SLC25A21: variants seen among roughly 807,000 people sequenced by gnomAD.
The protein encoded by SLC25A21 is mitochondrial 2-oxodicarboxylate carrier.
Under a neutral mutation model 43.8 loss-of-function variants are expected in SLC25A21, and 47 were observed. The ratio of observed to expected loss-of-function variants is 1.07; its 90% CI spans 0.85 to 1.37. The LOEUF (loss-of-function observed/expected upper bound fraction) is 1.37, where lower values mean the gene tolerates loss of function less well. SLC25A21 is among the 40% of genes most tolerant of loss of function. The probability of loss-of-function intolerance (pLI) is 0.00; values close to 1 mark genes in which losing one functional copy is unlikely to be tolerated. For synonymous variants in SLC25A21, 131 were observed against 121.3 expected (o/e 1.08, Z -0.52); for missense variants, 352 against 350.2 (o/e 1.00, Z -0.04).
chr14:36,684,770 T>A lies in SLC25A21; in HGVS notation c.759A>T (p.Thr253=). 1 of 1,607,940 alleles carries A rather than the reference T, an allele frequency of 6.2e-7. No individual in the cohort carries two copies. The highest frequency in any genetic ancestry group is 8.5e-7 in the Non-Finnish European group (1 of 1,177,924). The change falls in exon 8 of 10, where the codon ACA becomes ACT. Residue 253 remains threonine (T), a synonymous_variant. Coordinates refer to ENST00000331299, the MANE Select transcript of SLC25A21 (RefSeq NM_030631.4). ...CTTCTTCCTGATAGACTGTTGCCAT[T>A]GTTTTAAAACAGGTTCTGTACTTGA... ...GEIKYRTCFK[T]MATVYQEEGI...
At chr14:36,904,272 A>G (rs1456914405) in intron 1 of SLC25A21, among the ~76,000 whole-genome samples, 1 of 152,234 alleles carries the variant, frequency 6.6e-6, no homozygotes, top group Non-Finnish European at 1.5e-5. Context: ...CATTCGGGAG[A>G]ATCTGAAATA....
intron 2 of SLC25A21, among the ~76,000 whole-genome samples, chr14:36,837,773 T>G (rs1889258908): frequency 6.6e-6 from 1 of 152,176 alleles, no homozygotes; most frequent in Non-Finnish European, 1.5e-5. Flanking sequence ...ACGCTCAAAC[T>G]CCTCACACTG....
chr14:36,859,375 A>T (rs761969091), intron 2 of SLC25A21, among the ~76,000 whole-genome samples: 5 of 152,220 alleles, frequency 3.3e-5, no homozygotes, highest in Admixed American at 1.3e-4. Context: ...AAAATAAGAT[A>T]TTGTGTGCAC....
At chr14:36,895,012 G>C (rs1291351463) in intron 1 of SLC25A21, among the ~76,000 whole-genome samples, 1 of 151,022 alleles carries the variant, frequency 6.6e-6, no homozygotes, top group Non-Finnish European at 1.5e-5. Flanking sequence ...TTTTTTGGTT[G>C]TGTCTCTGCC....
rs915261815 is a variant in SLC25A21, at chr14:36,724,862, G to GT, written c.438+707dup. ...GGTCATTTTTTAAAAAAATGACTCA[G>GT]TTTTTTTTTTAAAGCAAAATAATGT... On this transcript the variant is annotated intron_variant, in intron 6 of 9. Transcript: ENST00000331299. Among the ~76,000 whole-genome samples the GT allele has an allele frequency of 8.5e-4, 127 of 150,280 alleles. 1 individual carries two copies. The highest frequency in any genetic ancestry group is 5.6e-4 in the African/African-American group (23 of 41,064).
chr14:36,727,055 G>C (rs1480514971), intron 5 of SLC25A21, among the ~76,000 whole-genome samples: 1 of 152,194 alleles, frequency 6.6e-6, no homozygotes, highest in Non-Finnish European at 1.5e-5. Context: ...GACTAGAACT[G>C]TAACACACAG....
chr14:36,861,958 C>A (rs1890076886), intron 2 of SLC25A21, among the ~76,000 whole-genome samples: 1 of 152,088 alleles, frequency 6.6e-6, no homozygotes, highest in African/African-American at 2.4e-5. Context: ...AGGACATGAA[C>A]AGACAGTTCT....
chr14:36,808,967 C>T (rs1888138213), intron 3 of SLC25A21: 6 of 152,074 alleles, frequency 3.9e-5, no homozygotes, highest in Admixed American at 3.3e-4. Flanking sequence ...TCCCCTCACC[C>T]ACCTGTGAAC....
At chr14:36,952,890 A>C (rs969441304) in intron 1 of SLC25A21, among the ~76,000 whole-genome samples, 2 of 152,108 alleles carry the variant, frequency 1.3e-5, no homozygotes, top group African/African-American at 2.4e-5. Context: ...ATTCAAGAAG[A>C]CTTCTCTCAA....
chr14:36,902,004 C>T (rs1434877553), intron 1 of SLC25A21, among the ~76,000 whole-genome samples: 1 of 152,116 alleles, frequency 6.6e-6, no homozygotes, highest in African/African-American at 2.4e-5. Flanking sequence ...AAAAGTTATG[C>T]ATTCTTTTAA....
chr14:36,755,951 A>C (rs1391433014), intron 3 of SLC25A21, among the ~76,000 whole-genome samples: 1 of 152,134 alleles, frequency 6.6e-6, no homozygotes, highest in African/African-American at 2.4e-5. Flanking sequence ...AGTGCTTCCA[A>C]CCATCCAGCC....
At chr14:36,710,377 GA>G (rs911522290) in intron 7 of SLC25A21, among the ~76,000 whole-genome samples, 1 of 100,026 alleles carries the variant, frequency 1.0e-5, no homozygotes, top group African/African-American at 3.8e-5. Context: ...CTGTCTCCAA[GA>G]AAAAAAAAGA....
chr14:37,028,199 C>A (rs1022326210), intron 1 of SLC25A21, among the ~76,000 whole-genome samples: 9 of 151,976 alleles, frequency 5.9e-5, no homozygotes, highest in Admixed American at 4.6e-4. Flanking sequence ...CCTATACTTA[C>A]AGTGTAAATC....
intron 2 of SLC25A21, among the ~76,000 whole-genome samples, chr14:36,861,090 T>A (rs1206415197): frequency 1.3e-5 from 2 of 152,162 alleles, no homozygotes; most frequent in Non-Finnish European, 2.9e-5. Context: ...CAAAACTAAA[T>A]CTCAGCTGTG....
At chr14:36,825,260 G>C (rs533686404) in intron 2 of SLC25A21, among the ~76,000 whole-genome samples, 2 of 146,036 alleles carry the variant, frequency 1.4e-5, no homozygotes, top group African/African-American at 5.5e-5. Context: ...TCTCTTTCAT[G>C]ATCTCTTCCT....
At chr14:37,006,946 C>T (rs1960617637) in intron 1 of SLC25A21, among the ~76,000 whole-genome samples, 1 of 152,166 alleles carries the variant, frequency 6.6e-6, no homozygotes, top group South Asian at 2.1e-4. Context: ...CTAAAACAAA[C>T]AAACAAACAA....
In SLC25A21 at chr14:37,138,366, C is replaced by T. The variant is rs1963518467; in HGVS notation, c.70+33915G>A. On this transcript the variant is annotated intron_variant, in intron 1 of 9. Coordinates refer to ENST00000331299, the MANE Select transcript of SLC25A21 (RefSeq NM_030631.4). Reference sequence around the variant, plus strand: ...AAATTTATAAGATATGGCCTTTATGCCATTTATTTTTATTTAAACTAAGTT... The same window carrying T: ...AAATTTATAAGATATGGCCTTTATGTCATTTATTTTTATTTAAACTAAGTT... 2.0e-5 allele frequency among the ~76,000 whole-genome samples: 3 copies of T among 152,002 alleles called. No homozygotes were observed. In the South Asian group the frequency reaches 6.2e-4, roughly 32 times the overall value.
intron 1 of SLC25A21, among the ~76,000 whole-genome samples, chr14:37,165,806 G>C (rs932437712): frequency 6.6e-6 from 1 of 152,130 alleles, no homozygotes; most frequent in Non-Finnish European, 1.5e-5. Context: ...TGGGAAATAA[G>C]AACTACCCCG....
In SLC25A21 at chr14:37,132,738, T is replaced by A. The variant is rs553305267; in HGVS notation, c.70+39543A>T. ...TTCTGGCTTCTCTCATAGCTATATT[T>A]TTTTTTTTTAAGACAGGGTCTCACT... is the stretch of plus-strand genomic sequence containing the variant. On this transcript the variant is annotated intron_variant, in intron 1 of 9. Transcript: ENST00000331299. 6.0e-4 allele frequency among the ~76,000 whole-genome samples: 91 copies of A among 151,920 alleles called. No individual in the cohort carries two copies. In the South Asian group the frequency reaches 6.5e-3, roughly 11 times the overall value.
Sources: gnomAD v4.1 joint callset for allele counts (sites outside exome capture counted in the v4.1 genomes callset) on GRCh38, gnomAD v4.1.1 for gene constraint, MANE v1.5 for transcripts, NCBI Gene and HGNC (gene_info 2026-07-23, HGNC 2026-07-21) for gene names.